Variants in XKR9 observed in about 807,000 individuals in gnomAD.
The protein encoded by XKR9 is XK related 9, also known as XK-related protein 9.
A neutral mutation model predicts 32.0 loss-of-function variants in XKR9; 32 were observed. That is an observed-to-expected ratio of 1.00 (90% confidence interval 0.76 to 1.34). The LOEUF is 1.34. Among genes scored for constraint, XKR9 ranks in the 40% most tolerant of loss-of-function variants. The pLI is 0.00. For missense variants in XKR9, 546 were observed against 429.7 expected, an observed-to-expected ratio of 1.27 and a Z score of -2.39; for synonymous variants, 168 against 143.4, an observed-to-expected ratio of 1.17 and a Z score of -1.22.
At chr8:70,842,546 T>TGACACACA in the XKR9 span, among the ~76,000 whole-genome samples, 1 of 46,118 alleles carries the variant, frequency 2.2e-5, no homozygotes. Context: ...ACATCATTAT[T>TGACACACA]TACACACACA....
the XKR9 span, among the ~76,000 whole-genome samples, chr8:70,977,483 T>G: frequency 2.6e-5 from 4 of 152,224 alleles, no homozygotes; most frequent in Non-Finnish European, 5.9e-5. Context: ...AATGTTTATT[T>G]CGTTATTTAC....
chr8:70,827,302 A>G, the XKR9 span, among the ~76,000 whole-genome samples: 1 of 152,184 alleles, frequency 6.6e-6, no homozygotes, highest in Non-Finnish European at 1.5e-5. Context: ...ACTGATAGGC[A>G]GGGAAGAAAA....
the XKR9 span, among the ~76,000 whole-genome samples, chr8:70,884,491 C>A: frequency 5.9e-5 from 9 of 152,096 alleles, no homozygotes; most frequent in Middle Eastern, 3.2e-3. Flanking sequence ...TTTCTTCTAG[C>A]AATTTTATAG....
the XKR9 span, among the ~76,000 whole-genome samples, chr8:70,911,465 C>G: frequency 2.4e-4 from 37 of 152,198 alleles, no homozygotes; most frequent in African/African-American, 8.7e-4. Flanking sequence ...TACTTTGTGT[C>G]AGTAATACTA....
intron 4 of XKR9, among the ~76,000 whole-genome samples, chr8:70,728,915 T>A (rs1806568941): frequency 6.6e-6 from 1 of 152,138 alleles, no homozygotes. Flanking sequence ...CTCAAATACC[T>A]ATGAGTTGGG....
the XKR9 span, among the ~76,000 whole-genome samples, chr8:71,047,825 T>C: frequency 6.6e-6 from 1 of 152,188 alleles, no homozygotes; most frequent in Non-Finnish European, 1.5e-5. Flanking sequence ...AATGACTATT[T>C]GTATGCGGAA....
chr8:70,746,581 GA>G (rs1237731670), intron 2 of XKR9, among the ~76,000 whole-genome samples: 1 of 151,628 alleles, frequency 6.6e-6, no homozygotes, highest in Non-Finnish European at 1.5e-5. Flanking sequence ...AGAGGAAAAT[GA>G]AAAGATGTAG....
the XKR9 span, among the ~76,000 whole-genome samples, chr8:70,811,179 C>A: frequency 6.6e-6 from 1 of 152,118 alleles, no homozygotes; most frequent in Non-Finnish European, 1.5e-5. Flanking sequence ...ACAACCTGCT[C>A]CTGAATGACT....
intron 2 of XKR9, among the ~76,000 whole-genome samples, chr8:70,752,865 G>A (rs1586883543): frequency 6.6e-6 from 1 of 152,114 alleles, no homozygotes; most frequent in East Asian, 1.9e-4. Context: ...AACTAGAAAA[G>A]CAAGAGCAAA....
chr8:70,687,391 CTCTT>C (rs1308705318), intron 3 of XKR9, among the ~76,000 whole-genome samples: 1 of 117,828 alleles, frequency 8.5e-6, no homozygotes, highest in Admixed American at 8.3e-5. Context: ...CTTTCTCTTT[CTCTT>C]TCTCTCTCTC....
the XKR9 span, among the ~76,000 whole-genome samples, chr8:70,812,628 A>G: frequency 1.3e-5 from 2 of 152,210 alleles, no homozygotes; most frequent in Admixed American, 6.5e-5. Flanking sequence ...AAAAATTACA[A>G]GCATTCTTAT....
At chr8:70,895,857 G>C in the XKR9 span, among the ~76,000 whole-genome samples, 1 of 151,774 alleles carries the variant, frequency 6.6e-6, no homozygotes, top group African/African-American at 2.4e-5. Flanking sequence ...AATTAGCCGG[G>C]TGTGATGGCG....
At chr8:70,929,473 TC>T in the XKR9 span, among the ~76,000 whole-genome samples, 1 of 152,322 alleles carries the variant, frequency 6.6e-6, no homozygotes, top group East Asian at 1.9e-4. Context: ...GAACTGGCTT[TC>T]CTGAATTCTC....
At position 70,776,923 on chromosome 8, in the gene XKR9, T is replaced by TCTCTCTCTCTCTCTCTC. The variant is rs1563477157; in HGVS notation, n.353-12416_353-12415insCTCTCTCTCTCTCTCTC. Among the ~76,000 whole-genome samples the TCTCTCTCTCTCTCTCTC allele has an allele frequency of 2.6e-3, 157 of 59,548 alleles. 20 individuals are homozygous for TCTCTCTCTCTCTCTCTC. Among genetic ancestry groups the TCTCTCTCTCTCTCTCTC allele is most frequent in the Non-Finnish European group, 4.4e-3 (138 of 31,060 alleles). 39.1% of individuals were successfully genotyped at this position (59,548 alleles called of 152,430 possible). A position where few individuals can be genotyped will look rare whatever the true frequency, so the allele number is the denominator to read the frequency against. On this transcript the variant is annotated intron_variant and non_coding_transcript_variant, in intron 2 of 3. Coordinates refer to the XKR9 transcript ENST00000520273. ...TGCATTTAGCAGGTTTTCTCTTTCTTTCTCTCTCTCTCTCTCTCTCTCTCT... is the reference window on the plus strand; with the variant it reads ...TGCATTTAGCAGGTTTTCTCTTTCTTCTCTCTCTCTCTCTCTCTCTCTCTCTCTCTCTCTCTCTCTCT...
chr8:70,775,312 T>C (rs188744013), intron 2 of XKR9, among the ~76,000 whole-genome samples: 1 of 152,302 alleles, frequency 6.6e-6, no homozygotes, highest in African/African-American at 2.4e-5. Flanking sequence ...GATTTTTATT[T>C]CTTTTCTTGC....
At chr8:70,851,235 G>A in the XKR9 span, among the ~76,000 whole-genome samples, 3 of 152,010 alleles carry the variant, frequency 2.0e-5, no homozygotes, top group Non-Finnish European at 4.4e-5. Context: ...GGGATGTGAA[G>A]GACCTATTCA....
chr8:70,863,497 A>G, the XKR9 span, among the ~76,000 whole-genome samples: 1 of 152,202 alleles, frequency 6.6e-6, no homozygotes, highest in African/African-American at 2.4e-5. Flanking sequence ...CAAATTTGTG[A>G]TCTTTCATGA....
At chr8:70,888,286 T>G in the XKR9 span, among the ~76,000 whole-genome samples, 16 of 152,142 alleles carry the variant, frequency 1.1e-4, no homozygotes, top group East Asian at 3.1e-3. Flanking sequence ...ATGTTTAAAT[T>G]AGATTATTTG....
At chr8:70,867,883 A>G in the XKR9 span, among the ~76,000 whole-genome samples, 1 of 152,250 alleles carries the variant, frequency 6.6e-6, no homozygotes, top group Non-Finnish European at 1.5e-5. Flanking sequence ...CTTCCTAGAT[A>G]CAATGGGGGT....
Sources: gnomAD v4.1 joint callset for allele counts (sites outside exome capture counted in the v4.1 genomes callset) on GRCh38, gnomAD v4.1.1 for gene constraint, MANE v1.5 for transcripts, NCBI Gene and HGNC (gene_info 2026-07-23, HGNC 2026-07-21) for gene names.